The following EIF2B3 variants were observed in gnomAD, a reference collection of about 807,000 sequenced individuals.
EIF2B3 encodes eukaryotic translation initiation factor 2B subunit gamma, also known as translation initiation factor eIF2B subunit gamma.
In EIF2B3, 20 loss-of-function variants were observed where a neutral mutation model predicts 54.1. That is an observed-to-expected ratio of 0.37 (90% confidence interval 0.26 to 0.54). The LOEUF is 0.54. Among genes scored for constraint, EIF2B3 ranks in the 20% least tolerant of loss-of-function variants. The probability of loss-of-function intolerance (pLI) is 0.86; values close to 1 mark genes in which losing one functional copy is unlikely to be tolerated. For missense variants in EIF2B3, 448 were observed against 547.8 expected, an observed-to-expected ratio of 0.82 and a Z score of 1.82; for synonymous variants, 153 against 188.1, an observed-to-expected ratio of 0.81 and a Z score of 1.52.
At chr1:44,922,591 C>CAAAAAAAAAAAAA (rs58626731) in intron 5 of EIF2B3, among the ~76,000 whole-genome samples, 2 of 87,530 alleles carry the variant, frequency 2.3e-5, no homozygotes, top group African/African-American at 8.3e-5. Flanking sequence ...TGTCTCAAGA[C>CAAAAAAAAAAAAA]AAAAAAAAAA....
intron 6 of EIF2B3, among the ~76,000 whole-genome samples, chr1:44,883,739 A>G (rs185987695): frequency 4.6e-5 from 7 of 152,250 alleles, no homozygotes; most frequent in Admixed American, 1.3e-4. Context: ...CTTTATTGCA[A>G]TTCTCCCATC....
intron 10 of EIF2B3, among the ~76,000 whole-genome samples, chr1:44,866,018 T>C (rs1654767751): frequency 6.6e-6 from 1 of 152,160 alleles, no homozygotes; most frequent in Non-Finnish European, 1.5e-5. Flanking sequence ...AGATCTCCAT[T>C]TTTCATTTAG....
chr1:44,864,943 C>T (rs903419343), intron 10 of EIF2B3, among the ~76,000 whole-genome samples: 5 of 152,160 alleles, frequency 3.3e-5, no homozygotes, highest in South Asian at 4.1e-4. Context: ...CCAGGCTGGG[C>T]GTGGCGGCTT....
At chr1:44,973,015 T>C (rs1401407846) in intron 3 of EIF2B3, among the ~76,000 whole-genome samples, 1 of 152,084 alleles carries the variant, frequency 6.6e-6, no homozygotes, top group Non-Finnish European at 1.5e-5. Context: ...CACTCCAACC[T>C]GGATGTCAGA....
At chr1:44,917,755 CTTTTTTTTTTTTTTTTTTT>C (rs869139321) in intron 5 of EIF2B3, among the ~76,000 whole-genome samples, 78 of 44,240 alleles carry the variant, frequency 1.8e-3, no homozygotes, top group East Asian at 3.2e-3. Flanking sequence ...CAATAACACT[CTTTTTTTTTTTTTTTTTTT>C]TTTTTTTTTT....
chr1:44,877,059 G>A (rs568909963), intron 8 of EIF2B3, among the ~76,000 whole-genome samples: 7 of 150,704 alleles, frequency 4.6e-5, no homozygotes, highest in African/African-American at 9.9e-5. Flanking sequence ...CAAACGCTGC[G>A]GAAGGCCACA....
intron 4 of EIF2B3, among the ~76,000 whole-genome samples, chr1:44,938,808 A>C (rs1210245646): frequency 3.9e-5 from 6 of 151,972 alleles, no homozygotes; most frequent in Non-Finnish European, 7.4e-5. Flanking sequence ...AAAAGAAAGA[A>C]AGAAAGAGGC....
chr1:44,860,608 C>T (rs1654576033), intron 10 of EIF2B3, among the ~76,000 whole-genome samples: 1 of 152,170 alleles, frequency 6.6e-6, no homozygotes, highest in Non-Finnish European at 1.5e-5. Context: ...CTAGGTCTGC[C>T]TGACTTCAGA....
intron 10 of EIF2B3, among the ~76,000 whole-genome samples, chr1:44,864,898 T>C (rs899818770): frequency 6.6e-6 from 1 of 152,214 alleles, no homozygotes; most frequent in Non-Finnish European, 1.5e-5. Flanking sequence ...TTCACTGTCT[T>C]CTGGCCTGAA....
rs200259851 is a variant in EIF2B3 at position 44,882,438 on chromosome 1, CT to C, written c.657-700del. ...AGGCTGAGCTAACTTTGGGAGAAAA[CT>C]TTTTTTTTTTTTTTTCTGAGACAGG... On this transcript the variant is annotated intron_variant, in intron 6 of 11. Transcript: ENST00000360403. 2.2e-3 allele frequency among the ~76,000 whole-genome samples: 310 copies of C among 142,540 alleles called. 2 individuals are homozygous for C. Among genetic ancestry groups the C allele is most frequent in the East Asian group, 9.3e-3 (46 of 4,954 alleles). The allele number at this position is 142,540 out of a possible 152,430, so 93.5% of individuals were successfully genotyped here.
At chr1:44,925,803 A>T (rs1009020786) in intron 5 of EIF2B3, among the ~76,000 whole-genome samples, 7 of 152,088 alleles carry the variant, frequency 4.6e-5, no homozygotes, top group Non-Finnish European at 1.0e-4. Context: ...ACATGCCTGT[A>T]GTCCCAGCTG....
chr1:44,970,862 A>G (rs191038616), intron 3 of EIF2B3, among the ~76,000 whole-genome samples: 2 of 152,328 alleles, frequency 1.3e-5, no homozygotes, highest in East Asian at 3.9e-4. Context: ...ATATGAAGCC[A>G]GGATTTCAGG....
intron 5 of EIF2B3, among the ~76,000 whole-genome samples, chr1:44,911,788 T>C (rs1350439796): frequency 1.3e-5 from 2 of 151,900 alleles, no homozygotes; most frequent in African/African-American, 2.4e-5. Context: ...ACATGTGCCA[T>C]GCTGGTGCGC....
rs869139321 is a variant in EIF2B3 at position 44,917,755 on chromosome 1, C to CTTT, written c.566+8870_566+8872dup. ...TATTTATTTTGCCACCAATAACACT[C>CTTT]TTTTTTTTTTTTTTTTTTTTTTTTT... On this transcript the variant is annotated intron_variant, in intron 5 of 11. Coordinates refer to ENST00000360403, the MANE Select transcript of EIF2B3 (RefSeq NM_020365.5). 4.1e-4 allele frequency among the ~76,000 whole-genome samples: 18 copies of CTTT among 44,236 alleles called. 2 individuals are homozygous for CTTT. The highest frequency in any genetic ancestry group is 1.1e-3 in the African/African-American group (17 of 14,954). The allele number at this position is 44,236 out of a possible 152,430, so 29.0% of individuals were successfully genotyped here. A position where few individuals can be genotyped will look rare whatever the true frequency, so the allele number is the denominator to read the frequency against.
chr1:44,864,428 G>A (rs1293453383), intron 10 of EIF2B3, among the ~76,000 whole-genome samples: 2 of 152,060 alleles, frequency 1.3e-5, no homozygotes, highest in Non-Finnish European at 2.9e-5. Flanking sequence ...CTGGCGTGAT[G>A]GTGTGTGCCT....
chr1:44,943,210 C>A (rs543270568), intron 3 of EIF2B3, among the ~76,000 whole-genome samples: 1 of 151,210 alleles, frequency 6.6e-6, no homozygotes, highest in Non-Finnish European at 1.5e-5. Flanking sequence ...GAGACAGGGT[C>A]TCACTATGTT....
intron 3 of EIF2B3, among the ~76,000 whole-genome samples, chr1:44,953,517 C>T (rs552609773): frequency 3.9e-5 from 6 of 152,308 alleles, no homozygotes; most frequent in African/African-American, 1.4e-4. Flanking sequence ...TGGCTCACGC[C>T]TGTAATCCCA....
At chr1:44,871,879 T>C (rs1023294142) in intron 10 of EIF2B3, among the ~76,000 whole-genome samples, 33 of 149,848 alleles carry the variant, frequency 2.2e-4, no homozygotes, top group Non-Finnish European at 1.0e-4. Context: ...ACAATCTTTT[T>C]TTTTTTTTTT....
chr1:44,912,466 T>C (rs182928857), intron 5 of EIF2B3, among the ~76,000 whole-genome samples: 1 of 152,346 alleles, frequency 6.6e-6, no homozygotes, highest in Admixed American at 6.5e-5. Context: ...AATTCCCTGG[T>C]ATTCAAGGCT....
Sources: allele counts gnomAD v4.1 joint callset (sites outside exome capture counted in the v4.1 genomes callset), GRCh38; gene constraint gnomAD v4.1.1; transcripts MANE v1.5; gene names NCBI Gene and HGNC (gene_info 2026-07-23, HGNC 2026-07-21).